SOAT1: variants seen among roughly 807,000 people sequenced by gnomAD.
SOAT1 encodes the protein sterol O-acyltransferase 1.
SOAT1 carries 55 observed loss-of-function variants against 69.5 expected under a neutral mutation model. That is an observed-to-expected ratio of 0.79 (90% CI 0.64 to 0.99). The LOEUF is 0.99. SOAT1 is among the 50% of genes least tolerant of loss of function. SOAT1 has a pLI of 0.00. For missense variants in SOAT1, 580 were observed against 669.3 expected (o/e 0.87, Z 1.47); for synonymous variants, 231 against 224.7 (o/e 1.03, Z -0.25).
Position 179,350,288 on chromosome 1 carries a change from T to C in SOAT1, c.1315-8T>C. ...AAATTACTTTGTAGTGTTTTCCTTTTTCTTTAGTTTTTCTCCAAGAGATTC... is the reference window on the plus strand; with the variant it reads ...AAATTACTTTGTAGTGTTTTCCTTTCTCTTTAGTTTTTCTCCAAGAGATTC... On this transcript the variant is annotated splice_region_variant and splice_polypyrimidine_tract_variant and intron_variant, in intron 13 of 15. Transcript: ENST00000367619. 6.2e-7 allele frequency: 1 copy of C among 1,609,796 alleles called. No homozygotes were observed. Among genetic ancestry groups the C allele is most frequent in the Non-Finnish European group, 8.5e-7 (1 of 1,178,838 alleles).
At chr1:179,329,585 G>T (rs1273938855) in intron 3 of SOAT1, among the ~76,000 whole-genome samples, 1 of 151,608 alleles carries the variant, frequency 6.6e-6, no homozygotes, top group Non-Finnish European at 1.5e-5. Context: ...GGCGGGTCTG[G>T]TGGTATACAC....
chr1:179,295,240 T>G (rs1664593370), intron 1 of SOAT1, among the ~76,000 whole-genome samples: 1 of 152,218 alleles, frequency 6.6e-6, no homozygotes, highest in African/African-American at 2.4e-5. Context: ...GAAAGCTTCA[T>G]TTTCTTTCCT....
chr1:179,326,003 A>G (rs1159404713), intron 3 of SOAT1, among the ~76,000 whole-genome samples: 1 of 152,150 alleles, frequency 6.6e-6, no homozygotes, highest in Admixed American at 6.6e-5. Context: ...TGTGCAGGTG[A>G]CATAAGGGTT....
rs754811177 is a variant in SOAT1, at chr1:179,351,274, C to T, written c.1451-43C>T. 5.7e-6 allele frequency: 9 copies of T among 1,585,788 alleles called. No homozygotes were observed. In the East Asian group the frequency reaches 1.1e-4, roughly 20 times the overall value. On this transcript the variant is annotated intron_variant, in intron 14 of 15. Transcript: ENST00000367619. Reference sequence around the variant, plus strand: ...GGCCAGGCTGGTCTCGAACTTCTGACCTCTGATAACTGTATATTTCTTTGT... The same window carrying T: ...GGCCAGGCTGGTCTCGAACTTCTGATCTCTGATAACTGTATATTTCTTTGT...
intron 11 of SOAT1, among the ~76,000 whole-genome samples, chr1:179,346,456 T>C (rs1390141943): frequency 1.3e-5 from 2 of 152,164 alleles, no homozygotes; most frequent in Non-Finnish European, 2.9e-5. Flanking sequence ...TAATATTGGG[T>C]ATTGAAAAAT....
At chr1:179,337,293 TAGTAACTTGCAGCA>T (rs950909813) in intron 4 of SOAT1, among the ~76,000 whole-genome samples, 2 of 152,322 alleles carry the variant, frequency 1.3e-5, no homozygotes, top group Non-Finnish European at 2.9e-5. Flanking sequence ...TGGGAGTTTT[TAGTAACTTGCAGCA>T]ACCTTTAAGA....
At chr1:179,317,769 T>A (rs1665447340) in intron 2 of SOAT1, among the ~76,000 whole-genome samples, 1 of 151,038 alleles carries the variant, frequency 6.6e-6, no homozygotes, top group East Asian at 2.0e-4. Context: ...TGACGTCTGA[T>A]GTTTCTCGGT....
intron 14 of SOAT1, among the ~76,000 whole-genome samples, chr1:179,350,805 T>C (rs1197404553): frequency 6.6e-6 from 1 of 152,206 alleles, no homozygotes; most frequent in Non-Finnish European, 1.5e-5. Flanking sequence ...ATGAATATTC[T>C]AATTCCATGA....
intron 2 of SOAT1, among the ~76,000 whole-genome samples, chr1:179,306,748 G>A (rs549164095): frequency 6.1e-5 from 9 of 147,494 alleles, no homozygotes; most frequent in East Asian, 2.1e-4. Flanking sequence ...GGAGAATGGC[G>A]TGAACCCAGG....
chr1:179,321,684 C>G (rs1665610472), intron 2 of SOAT1, among the ~76,000 whole-genome samples: 1 of 152,200 alleles, frequency 6.6e-6, no homozygotes, highest in African/African-American at 2.4e-5. Flanking sequence ...CACTATTTCT[C>G]TGGGCTATCC....
At chr1:179,341,535 A>C (rs1666338388) in intron 7 of SOAT1, among the ~76,000 whole-genome samples, 3 of 135,102 alleles carry the variant, frequency 2.2e-5, no homozygotes, top group South Asian at 2.4e-4. Flanking sequence ...ATTACGTTGA[A>C]CTTTTTTTTT....
chr1:179,315,035 G>A (rs1019732580), intron 2 of SOAT1, among the ~76,000 whole-genome samples: 8 of 152,138 alleles, frequency 5.3e-5, no homozygotes, highest in African/African-American at 1.9e-4. Context: ...TGTTACTAGA[G>A]GGAGGCAAAT....
At chr1:179,321,747 C>T (rs1406966726) in intron 2 of SOAT1, among the ~76,000 whole-genome samples, 1 of 152,208 alleles carries the variant, frequency 6.6e-6, no homozygotes, top group African/African-American at 2.4e-5. Context: ...TCTCTTCAGA[C>T]ATGTTTAATC....
In SOAT1 at chr1:179,358,284, C is replaced by G. The variant is rs1372496505; in HGVS notation, c.*4643C>G. 2.0e-5 allele frequency: 3 copies of G among 152,144 alleles called. No homozygotes were observed. Among genetic ancestry groups the G allele is most frequent in the Non-Finnish European group, 4.4e-5 (3 of 68,026 alleles). The allele number at this position is 152,144 out of a possible 1,614,324, so 9.4% of individuals were successfully genotyped here. ...CTGTACTGTTTTTTTCTTAAGTGCT[C>G]TCTTCCTTATTTCTACATTACTACA... On this transcript the variant is annotated 3_prime_UTR_variant, in exon 16 of 16. Transcript: ENST00000367619.
chr1:179,340,019 C>T (rs772491122), intron 6 of SOAT1, among the ~76,000 whole-genome samples: 5 of 152,112 alleles, frequency 3.3e-5, no homozygotes, highest in Non-Finnish European at 7.3e-5. Context: ...AACTGTGGGC[C>T]TCGAATTTGC....
intron 1 of SOAT1, among the ~76,000 whole-genome samples, chr1:179,299,210 T>G (rs565243506): frequency 2.0e-5 from 3 of 152,170 alleles, no homozygotes; most frequent in Non-Finnish European, 4.4e-5. Flanking sequence ...AGAGGGCAGG[T>G]TGTAGAATCT....
rs1177159973 is a variant in SOAT1 at position 179,351,298 on chromosome 1, G to A, written c.1451-19G>A. ...ACCTCTGATAACTGTATATTTCTTT[G>A]TTGCCTTCCTATTTTTAGTGGCTTT... On this transcript the variant is annotated intron_variant, in intron 14 of 15. Transcript: ENST00000367619. 1.2e-6 allele frequency: 2 copies of A among 1,612,082 alleles called. No individual in the cohort carries two copies. Among genetic ancestry groups the A allele is most frequent in the Admixed American group, 1.7e-5 (1 of 59,868 alleles).
At position 179,341,010 on chromosome 1, in the gene SOAT1, T is replaced by C. The variant is rs1666316620; in HGVS notation, c.498-18T>C. On this transcript the variant is annotated intron_variant, in intron 6 of 15. Coordinates refer to ENST00000367619, the MANE Select transcript of SOAT1 (RefSeq NM_003101.6). ...AAAATTCACCTCTATGTTCTTTTTC[T>C]GTACCTTTTCTCCCCAGGCTGGTGC... 1 of 1,609,560 alleles carries C rather than the reference T, an allele frequency of 6.2e-7. No homozygotes were observed. Among genetic ancestry groups the C allele is most frequent in the African/African-American group, 1.3e-5 (1 of 74,562 alleles).
intron 3 of SOAT1, among the ~76,000 whole-genome samples, chr1:179,331,765 T>C (rs749695911): frequency 2.6e-5 from 4 of 152,180 alleles, no homozygotes; most frequent in Non-Finnish European, 5.9e-5. Context: ...TCAGGAGACC[T>C]TTCTGAGGAG....
Sources: gnomAD v4.1 joint callset for allele counts (sites outside exome capture counted in the v4.1 genomes callset) on GRCh38, gnomAD v4.1.1 for gene constraint, MANE v1.5 for transcripts, NCBI Gene and HGNC (gene_info 2026-07-23, HGNC 2026-07-21) for gene names.